Variants in DOCK9 observed in about 807,000 individuals in gnomAD.
DOCK9 encodes dedicator of cytokinesis 9, also known as dedicator of cytokinesis protein 9.
DOCK9 carries 89 observed loss-of-function variants against 263.3 expected under a neutral mutation model. That is an observed-to-expected ratio of 0.34 (90% CI 0.28 to 0.40). The LOEUF (loss-of-function observed/expected upper bound fraction) is 0.40, where lower values mean the gene tolerates loss of function less well. DOCK9 is among the 10% of genes least tolerant of loss of function. The probability of loss-of-function intolerance (pLI) is 1.00; values close to 1 mark genes in which losing one functional copy is unlikely to be tolerated. For missense variants in DOCK9, 2,140 were observed against 2,603.4 expected (o/e 0.82, Z 3.87); for synonymous variants, 976 against 973.1 (o/e 1.00, Z -0.06).
chr13:98,809,501 G>A (rs1418592814), intron 46 of DOCK9, 36 bp from the exon 47 acceptor site: 4 of 1,503,384 alleles, frequency 2.7e-6, no homozygotes, highest in South Asian at 1.2e-5. Context: ...CTTCCCATGT[G>A]CAAAGAGGAG....
At chr13:99,087,884 T>G (rs889155980), upstream of DOCK9, 1 of 152,240 alleles carries the variant, frequency 6.6e-6, no homozygotes, top group African/African-American at 2.4e-5. Flanking sequence ...AAAACCCAGT[T>G]TTGGGAGAAT....
chr13:98,986,145 G>A (rs1261217139), intron 1 of DOCK9, among the ~76,000 whole-genome samples: 2 of 152,200 alleles, frequency 1.3e-5, no homozygotes, highest in Non-Finnish European at 2.9e-5. Flanking sequence ...AGCTCCCAAA[G>A]CAACCTAGCG....
intron 1 of DOCK9, among the ~76,000 whole-genome samples, chr13:98,958,005 C>T (rs1229526532): frequency 3.3e-5 from 5 of 152,242 alleles, no homozygotes; most frequent in South Asian, 2.1e-4. Context: ...GCTCCACTCT[C>T]CCCAGGTAAG....
chr13:98,835,574 C>G (rs992961560), intron 39 of DOCK9, among the ~76,000 whole-genome samples: 1 of 152,130 alleles, frequency 6.6e-6, no homozygotes, highest in African/African-American at 2.4e-5. Context: ...TCTCAGGGAT[C>G]AGGCCCTTTG....
In DOCK9 at chr13:98,917,869, G is replaced by A. The variant is rs561511166; in HGVS notation, c.718-2366C>T. ...CACCTTTGAGCCGGGGGTTCCACCTGGCGGCACCAGCTGCAGGTGGGCAGG... is the reference window on the plus strand; with the variant it reads ...CACCTTTGAGCCGGGGGTTCCACCTAGCGGCACCAGCTGCAGGTGGGCAGG... On this transcript the variant is annotated intron_variant, in intron 7 of 52. Coordinates refer to ENST00000682017, the MANE Select transcript of DOCK9 (RefSeq NM_001366683.2). Among the ~76,000 whole-genome samples the A allele has an allele frequency of 8.9e-4, 136 of 152,248 alleles. 2 individuals are homozygous for A. Among genetic ancestry groups the A allele is most frequent in the African/African-American group, 3.2e-3 (133 of 41,566 alleles).
At chr13:99,086,451 C>CGCTCCCGGCGCCGCCGCCGCCT in exon 1 of DOCK9, 1 of 797,430 alleles carries the variant, frequency 1.3e-6, no homozygotes, top group South Asian at 5.4e-5. Context: ...CTCCGCCCGC[C>CGCTCCCGGCGCCGCCGCCGCCT]GCTCCCGGCG....
At chr13:99,052,999 G>T (rs1595992437) in intron 1 of DOCK9, among the ~76,000 whole-genome samples, 1 of 152,084 alleles carries the variant, frequency 6.6e-6, no homozygotes, top group South Asian at 2.1e-4. Flanking sequence ...CCTCAGTAGG[G>T]ATTCGCCGTT....
intron 1 of DOCK9, among the ~76,000 whole-genome samples, chr13:99,036,899 T>C (rs1169073548): frequency 1.3e-5 from 2 of 152,142 alleles, no homozygotes; most frequent in African/African-American, 2.4e-5. Context: ...CTAAGACATC[T>C]GAAAACAAAC....
intron 12 of DOCK9, 127 bp downstream of exon 12, chr13:98,902,161 T>C: frequency 1.9e-6 from 2 of 1,057,296 alleles, no homozygotes; most frequent in Non-Finnish European, 1.3e-6. Context: ...TAATAATAAA[T>C]ACTATTAATT....
intron 1 of DOCK9, chr13:99,015,595 G>A: frequency 6.3e-7 from 1 of 1,595,478 alleles, no homozygotes; most frequent in African/African-American, 1.3e-5. Context: ...AATCACACTA[G>A]TAGTGCAACC....
chr13:99,070,011 T>C (rs759448630), intron 1 of DOCK9, among the ~76,000 whole-genome samples: 18 of 152,208 alleles, frequency 1.2e-4, no homozygotes, highest in Admixed American at 2.0e-4. Flanking sequence ...AGGCCAAAGA[T>C]AGACTTTTTT....
At chr13:98,995,142 C>T (rs1329380712) in intron 1 of DOCK9, among the ~76,000 whole-genome samples, 1 of 152,206 alleles carries the variant, frequency 6.6e-6, no homozygotes, top group East Asian at 1.9e-4. Flanking sequence ...CTCCAAGTCA[C>T]ACCATGACAG....
chr13:99,008,208 C>CTA lies in DOCK9; in HGVS notation c.130-52658_130-52657insTA, dbSNP rs1264001021. Among the ~76,000 whole-genome samples, 158 of 72,706 alleles carry CTA rather than the reference C, an allele frequency of 2.2e-3. 1 individual carries two copies. The highest frequency in any genetic ancestry group is 2.4e-3 in the Non-Finnish European group (81 of 33,496). The allele number at this position is 72,706 out of a possible 152,430, so 47.7% of individuals were successfully genotyped here. ...AGCCTCTCTCTCTCTCTCTCTCTCT[C>CTA]TCTCTATATATATATATATATATAT... is the stretch of plus-strand genomic sequence containing the variant. On this transcript the variant is annotated intron_variant, in intron 1 of 32. Transcript: ENST00000427887.
intron 17 of DOCK9, 28 bp from the exon 18 acceptor site, chr13:98,888,251 A>T (rs773462943): frequency 2.5e-6 from 4 of 1,604,600 alleles, no homozygotes; most frequent in Middle Eastern, 1.7e-4. Context: ...ACAGAATAAG[A>T]AAAAACAACA....
At chr13:98,837,677 GCA>G (rs1358813435) in intron 38 of DOCK9, 68 bp from the exon 39 acceptor site, 6 of 1,025,264 alleles carry the variant, frequency 5.9e-6, no homozygotes, top group African/African-American at 1.7e-5. Context: ...GATGCGGTAG[GCA>G]CAGTCAACTT....
intron 15 of DOCK9, among the ~76,000 whole-genome samples, chr13:98,891,454 T>C (rs1399691883): frequency 6.6e-6 from 1 of 152,220 alleles, no homozygotes; most frequent in Non-Finnish European, 1.5e-5. Context: ...TAAGTAAGTA[T>C]GCAAGGGTAA....
At chr13:98,797,070 C>A (rs1277519817) in intron 52 of DOCK9, 45 bp downstream of exon 52, 12 of 1,611,758 alleles carry the variant, frequency 7.4e-6, no homozygotes, top group Admixed American at 1.7e-5. Flanking sequence ...TACTTGAAAC[C>A]CCTAACCAAG....
chr13:98,919,039 T>C (rs1306723961), intron 7 of DOCK9, among the ~76,000 whole-genome samples: 1 of 151,924 alleles, frequency 6.6e-6, no homozygotes, highest in African/African-American at 2.4e-5. Context: ...CCACTACTAT[T>C]TCAAGGGAAT....
intron 1 of DOCK9, among the ~76,000 whole-genome samples, chr13:98,960,592 C>T (rs952679247): frequency 6.6e-6 from 1 of 152,090 alleles, no homozygotes; most frequent in Non-Finnish European, 1.5e-5. Context: ...AGTGATTTCC[C>T]GTGAAATCAG....
Sources: gnomAD v4.1 joint callset for allele counts (sites outside exome capture counted in the v4.1 genomes callset) on GRCh38, gnomAD v4.1.1 for gene constraint, MANE v1.5 for transcripts, NCBI Gene and HGNC (gene_info 2026-07-23, HGNC 2026-07-21) for gene names.